Variants in NRP2 observed in about 807,000 individuals in gnomAD.
NRP2 encodes the protein neuropilin 2, also known as neuropilin-2.
NRP2 carries 52 observed loss-of-function variants against 110.4 expected under a neutral mutation model. The ratio of observed to expected loss-of-function variants is 0.47; its 90% CI spans 0.38 to 0.59. NRP2 has a LOEUF of 0.59. NRP2 is among the 20% of genes least tolerant of loss of function. The probability of loss-of-function intolerance (pLI) is 0.00; values close to 1 mark genes in which losing one functional copy is unlikely to be tolerated. For synonymous variants in NRP2, 508 were observed against 468.9 expected, an observed-to-expected ratio of 1.08 and a Z score of -1.08; for missense variants, 1,049 against 1,203.0, an observed-to-expected ratio of 0.87 and a Z score of 1.89.
Position 205,683,225 on chromosome 2 carries a change from G to GA in NRP2, c.-61dup. The GA allele has an allele frequency of 8.2e-7, 1 of 1,218,956 alleles. No individual in the cohort carries two copies. The highest frequency in any genetic ancestry group is 1.2e-6 in the Non-Finnish European group (1 of 829,182). The allele number at this position is 1,218,956 out of a possible 1,614,324, so 75.5% of individuals were successfully genotyped here. On this transcript the variant is annotated 5_prime_UTR_variant, in exon 1 of 17. Coordinates refer to ENST00000357785, the MANE Select transcript of NRP2 (RefSeq NM_003872.3). ...GTTGTAAGGAGGAAAATAAAAGAGAGAAAAACACAAAGATTTAAACAAGAA... is the reference window on the plus strand; with the variant it reads ...GTTGTAAGGAGGAAAATAAAAGAGAGAAAAAACACAAAGATTTAAACAAGAA...
intron 2 of NRP2, among the ~76,000 whole-genome samples, chr2:205,715,544 C>T (rs1235627294): frequency 3.9e-5 from 6 of 152,110 alleles, no homozygotes; most frequent in South Asian, 2.1e-4. Context: ...ATGGGAACCT[C>T]GCAGAGTCAT....
intron 6 of NRP2, among the ~76,000 whole-genome samples, chr2:205,726,502 G>C (rs2057131484): frequency 6.6e-6 from 1 of 152,146 alleles, no homozygotes; most frequent in Non-Finnish European, 1.5e-5. Flanking sequence ...CTTTGCTATT[G>C]GAGAGAGCCC....
chr2:205,714,504 G>C (rs1178481111), intron 2 of NRP2, among the ~76,000 whole-genome samples: 2 of 152,198 alleles, frequency 1.3e-5, no homozygotes, highest in African/African-American at 4.8e-5. Context: ...GGGGTTTTCT[G>C]GAAGGTTTGG....
intron 15 of NRP2, among the ~76,000 whole-genome samples, chr2:205,790,893 T>C (rs950167462): frequency 6.6e-6 from 1 of 152,212 alleles, no homozygotes; most frequent in Non-Finnish European, 1.5e-5. Flanking sequence ...GCTGGAGTTA[T>C]GGAGGATTAG....
intron 11 of NRP2, among the ~76,000 whole-genome samples, chr2:205,752,280 C>T (rs993566302): frequency 6.6e-6 from 1 of 152,196 alleles, no homozygotes; most frequent in Non-Finnish European, 1.5e-5. Flanking sequence ...TCCCAGTCTT[C>T]AGAAATAGAG....
chr2:205,725,095 C>G lies in NRP2; in HGVS notation c.821-818C>G, dbSNP rs2057103080. 6.6e-6 allele frequency among the ~76,000 whole-genome samples: 1 copy of G among 152,160 alleles called. No homozygotes were observed. The highest frequency in any genetic ancestry group is 1.5e-5 in the Non-Finnish European group (1 of 68,034). ...GGCAGCCTGGCCTGCAGGAAGGTTG[C>G]TGGGTTTTGCATTTGTTTTTTCATC... On this transcript the variant is annotated intron_variant, in intron 5 of 16. Transcript: ENST00000357785. This position sits in a 1 kb window ranked among gnomAD's most constrained non-coding sequence, Gnocchi z 4.1.
chr2:205,708,300 A>G (rs2105770923), intron 2 of NRP2, among the ~76,000 whole-genome samples: 1 of 152,294 alleles, frequency 6.6e-6, no homozygotes, highest in East Asian at 1.9e-4. Flanking sequence ...TTACATAAGC[A>G]AACATGTTTC....
chr2:205,794,788 T>C lies in NRP2; in HGVS notation c.2511T>C (p.Ser837=). The C allele has an allele frequency of 6.2e-7, 1 of 1,614,212 alleles. No homozygotes were observed. The highest frequency in any genetic ancestry group is 8.5e-7 in the Non-Finnish European group (1 of 1,180,042). Reference sequence around the variant, plus strand: ...AGGTGGACTGGAGCAATTCTTCTTCTGCAACCTCAGGGTCTGGCGCCCCCT... The same window carrying C: ...AGGTGGACTGGAGCAATTCTTCTTCCGCAACCTCAGGGTCTGGCGCCCCCT... ...EYEVDWSNSS[S]ATSGSGAPST... Residue 837 remains serine, a synonymous_variant, in exon 17 of 17, where the codon TCT becomes TCC. Coordinates refer to ENST00000357785, the MANE Select transcript of NRP2 (RefSeq NM_003872.3).
chr2:205,780,690 G>A (rs1268759557), intron 15 of NRP2, among the ~76,000 whole-genome samples: 1 of 152,162 alleles, frequency 6.6e-6, no homozygotes, highest in Non-Finnish European at 1.5e-5. Flanking sequence ...AAATGTACAT[G>A]TTCAGAAGAT....
At chr2:205,683,959 C>G (rs1253951472) in intron 1 of NRP2, among the ~76,000 whole-genome samples, 2 of 152,168 alleles carry the variant, frequency 1.3e-5, no homozygotes, top group Non-Finnish European at 2.9e-5. Flanking sequence ...CTGCTGGCAA[C>G]CAAGACGGTT....
In NRP2 at chr2:205,784,221, A is replaced by AAT. The variant is rs2058211000; in HGVS notation, c.2426-8013_2426-8012insTA. On this transcript the variant is annotated intron_variant, in intron 15 of 16. Coordinates refer to ENST00000357785, the MANE Select transcript of NRP2 (RefSeq NM_003872.3). ...GGACTGGACTTCCCTGCAACTTATT[A>AAT]AAGAGCAGCCAGCTCCAGTAACGAT... 2.0e-5 allele frequency among the ~76,000 whole-genome samples: 3 copies of AAT among 152,186 alleles called. No homozygotes were observed. In the South Asian group the frequency reaches 6.2e-4, roughly 32 times the overall value.
Position 205,723,921 on chromosome 2 carries a change from C to T in NRP2, c.801C>T (p.Val267=), listed in dbSNP as rs2057072454. 1.2e-6 allele frequency: 2 copies of T among 1,614,116 alleles called. No homozygotes were observed. Among genetic ancestry groups the T allele is most frequent in the Non-Finnish European group, 1.7e-6 (2 of 1,180,010 alleles). ...GCTTCTCTGCGCGTTACTACCTGGT[C>T]CACCAAGAGCCACTAGAGAGTGAGT... ...KDGFSARYYL[V]HQEPLENFQC... is the part of the protein sequence containing the mutation. Residue 267 remains valine (V), a synonymous_variant, in exon 5 of 17, where the codon GTC becomes GTT. Transcript: ENST00000357785.
In NRP2 at chr2:205,763,799, G is replaced by A; in HGVS notation, c.2170G>A (p.Gly724Ser). 1 of 1,614,112 alleles carries A rather than the reference G, an allele frequency of 6.2e-7. No homozygotes were observed. The highest frequency in any genetic ancestry group is 8.5e-7 in the Non-Finnish European group (1 of 1,180,012). Residue 724 changes from glycine (G) to serine (S), a missense_variant, in exon 13 of 17, where the codon GGC becomes AGC. By Grantham distance (56) the Gly-to-Ser change is moderately conservative (BLOSUM62 0). Transcript: ENST00000357785. The surrounding 1 kb of genome is among the most constrained non-coding windows in gnomAD (Gnocchi z 4.0). ...CATGGAGTTCCAGTACCAGGCCACG[G>A]GCGGCCGCGGGGTGGCGCTGCAGGT... ...VCMEFQYQAT[G>S]GRGVALQVVR...
chr2:205,761,025 T>A (rs2057812589), intron 12 of NRP2: 1 of 152,174 alleles, frequency 6.6e-6, no homozygotes, highest in African/African-American at 2.4e-5. Flanking sequence ...TTTAAAGGGT[T>A]CTCACTGGTG....
intron 11 of NRP2, chr2:205,752,513 G>C (rs919546661): frequency 1.9e-5 from 7 of 368,636 alleles, no homozygotes; most frequent in Non-Finnish European, 3.6e-5. Flanking sequence ...GGCATTTAGG[G>C]AACAGCAATT....
chr2:205,713,857 T>G (rs2056844941), intron 2 of NRP2, among the ~76,000 whole-genome samples: 1 of 152,216 alleles, frequency 6.6e-6, no homozygotes, highest in African/African-American at 2.4e-5. Context: ...CACAATTGTC[T>G]GATTATTTTC....
chr2:205,735,219 G>C (rs982005222), intron 7 of NRP2, among the ~76,000 whole-genome samples: 6 of 141,028 alleles, frequency 4.3e-5, no homozygotes, highest in Non-Finnish European at 6.3e-5. Context: ...ATAAGAAAAG[G>C]CTTTAGGCTG....
intron 1 of NRP2, among the ~76,000 whole-genome samples, chr2:205,689,121 G>T (rs1018735919): frequency 6.6e-6 from 1 of 152,196 alleles, no homozygotes. Context: ...AGAAAAGGGG[G>T]TTTTCAAACA....
chr2:205,730,953 T>C (rs1025452457), intron 7 of NRP2, among the ~76,000 whole-genome samples: 5 of 152,210 alleles, frequency 3.3e-5, no homozygotes, highest in Non-Finnish European at 7.3e-5. Flanking sequence ...TCTCTTCCCA[T>C]CCAACAGGTC....
Sources: allele counts gnomAD v4.1 joint callset (sites outside exome capture counted in the v4.1 genomes callset), GRCh38; gene constraint gnomAD v4.1.1; non-coding constraint Gnocchi (gnomAD v3.1); transcripts MANE v1.5; gene names NCBI Gene and HGNC (gene_info 2026-07-23, HGNC 2026-07-21).